Variants in FAR2 observed in about 807,000 individuals in gnomAD.
FAR2 encodes the protein fatty acyl-CoA reductase 2.
In FAR2, 19 loss-of-function variants were observed where a neutral mutation model predicts 56.0. The observed-to-expected ratio is 0.34, with a 90% CI of 0.24 to 0.50. The LOEUF is 0.50. Among genes scored for constraint, FAR2 ranks in the 20% least tolerant of loss-of-function variants. FAR2 has a pLI of 0.98. For synonymous variants in FAR2, 219 were observed against 218.8 expected (o/e 1.00, Z -0.01); for missense variants, 508 against 642.2 (o/e 0.79, Z 2.26).
chr12:29,299,606 G>C (rs79989245), intron 4 of FAR2, among the ~76,000 whole-genome samples: 4,838 of 152,206 alleles, frequency 0.032, 104 homozygotes, highest in East Asian at 0.072. Flanking sequence ...TAAATTCTGG[G>C]TGCAATTAAG....
intron 1 of FAR2, among the ~76,000 whole-genome samples, chr12:29,169,956 G>A (rs1264801764): frequency 2.0e-5 from 3 of 152,144 alleles, no homozygotes; most frequent in Admixed American, 1.3e-4. Flanking sequence ...TAGAAGTTAG[G>A]ATAATACAAG....
intron 1 of FAR2, among the ~76,000 whole-genome samples, chr12:29,161,572 G>T (rs1286160080): frequency 6.6e-6 from 1 of 152,198 alleles, no homozygotes; most frequent in Non-Finnish European, 1.5e-5. Flanking sequence ...AGTTTCCATT[G>T]TGAGTTTCTT....
chr12:29,327,341 T>C (rs542385936), intron 10 of FAR2, among the ~76,000 whole-genome samples: 333 of 152,258 alleles, frequency 2.2e-3, no homozygotes, highest in Non-Finnish European at 3.3e-3. Flanking sequence ...AGGTAATTTA[T>C]AGATTCAATG....
At chr12:29,172,757 G>A (rs1053344805) in intron 1 of FAR2, among the ~76,000 whole-genome samples, 14 of 152,192 alleles carry the variant, frequency 9.2e-5, no homozygotes, top group African/African-American at 2.2e-4. Flanking sequence ...GTAGCCGCTC[G>A]AGGAAGGCAG....
At chr12:29,202,334 G>A (rs1266329369) in intron 1 of FAR2, among the ~76,000 whole-genome samples, 1 of 152,122 alleles carries the variant, frequency 6.6e-6, no homozygotes, top group Non-Finnish European at 1.5e-5. Flanking sequence ...GATCATTGGG[G>A]TATACCCAGA....
intron 1 of FAR2, among the ~76,000 whole-genome samples, chr12:29,221,912 A>C (rs1947698199): frequency 6.6e-6 from 1 of 152,040 alleles, no homozygotes; most frequent in African/African-American, 2.4e-5. Context: ...CAGTGGCATG[A>C]TCTTGGCCCA....
chr12:29,203,852 T>G (rs1246566599), intron 1 of FAR2, among the ~76,000 whole-genome samples: 2 of 151,514 alleles, frequency 1.3e-5, no homozygotes, highest in African/African-American at 2.4e-5. Flanking sequence ...ACAAAAAAAT[T>G]AGCCGGGCGT....
At chr12:29,269,212 G>C (rs190703994) in intron 1 of FAR2, among the ~76,000 whole-genome samples, 9 of 152,132 alleles carry the variant, frequency 5.9e-5, no homozygotes, top group African/African-American at 2.2e-4. Flanking sequence ...ACCTTGGGGG[G>C]GCCGTTCATA....
intron 10 of FAR2, chr12:29,331,403 A>C (rs1949730758): frequency 1.3e-5 from 2 of 152,080 alleles, no homozygotes; most frequent in African/African-American, 2.4e-5. Context: ...ATTCTCTCCA[A>C]ATACATGAAA....
chr12:29,227,085 G>A (rs7300406), intron 1 of FAR2, among the ~76,000 whole-genome samples: 4 of 151,952 alleles, frequency 2.6e-5, no homozygotes, highest in African/African-American at 9.7e-5. Flanking sequence ...GGGATTATTT[G>A]TTCTATCTTT....
chr12:29,174,805 A>G (rs988271772), intron 1 of FAR2, among the ~76,000 whole-genome samples: 3 of 152,172 alleles, frequency 2.0e-5, no homozygotes, highest in African/African-American at 7.2e-5. Flanking sequence ...CCAGGAGGCA[A>G]GGGTCAGGAT....
At chr12:29,297,264 CT>C in intron 4 of FAR2, 64 bp downstream of exon 4, 4 of 1,437,810 alleles carry the variant, frequency 2.8e-6, no homozygotes, top group Middle Eastern at 2.1e-4. Context: ...CTCTTTGATT[CT>C]TTGTAGCTAT....
intron 1 of FAR2, among the ~76,000 whole-genome samples, chr12:29,213,593 G>A (rs1274851367): frequency 2.0e-5 from 3 of 151,848 alleles, no homozygotes; most frequent in Non-Finnish European, 4.4e-5. Flanking sequence ...AGGCGGCTGA[G>A]GCAGGGGAAT....
chr12:29,170,436 A>G (rs1276956817), intron 1 of FAR2, among the ~76,000 whole-genome samples: 1 of 152,262 alleles, frequency 6.6e-6, no homozygotes, highest in East Asian at 1.9e-4. Context: ...TACACTGACA[A>G]CAAGGTGGTA....
chr12:29,248,613 T>C (rs1299626367), intron 1 of FAR2, among the ~76,000 whole-genome samples: 1 of 152,212 alleles, frequency 6.6e-6, no homozygotes, highest in Non-Finnish European at 1.5e-5. Context: ...ACCATTGTCA[T>C]TGATAACATC....
intron 1 of FAR2, among the ~76,000 whole-genome samples, chr12:29,260,009 A>G (rs1234209011): frequency 4.6e-5 from 7 of 152,204 alleles, no homozygotes; most frequent in Admixed American, 2.6e-4. Context: ...GTTGTAAAGT[A>G]GAAGGGGGAC....
At chr12:29,180,886 C>A (rs1245287309) in intron 1 of FAR2, among the ~76,000 whole-genome samples, 1 of 152,194 alleles carries the variant, frequency 6.6e-6, no homozygotes, top group Admixed American at 6.5e-5. Flanking sequence ...TTCTCATAAT[C>A]CTTCTGTGTA....
chr12:29,291,361 G>C, intron 2 of FAR2: 1 of 455,962 alleles, frequency 2.2e-6, no homozygotes, highest in South Asian at 1.5e-5. Context: ...GGGTCTCTGA[G>C]GGTGGAATAA....
At chr12:29,207,785 T>C (rs1262180085) in intron 1 of FAR2, among the ~76,000 whole-genome samples, 1 of 152,226 alleles carries the variant, frequency 6.6e-6, no homozygotes, top group Admixed American at 6.5e-5. Context: ...GCTGGCACTT[T>C]ATAAGACTCT....
Sources: gnomAD v4.1 joint callset for allele counts (sites outside exome capture counted in the v4.1 genomes callset) on GRCh38, gnomAD v4.1.1 for gene constraint, MANE v1.5 for transcripts, NCBI Gene and HGNC (gene_info 2026-07-23, HGNC 2026-07-21) for gene names.